The following ACTR3C variants were observed in gnomAD, a reference collection of about 807,000 sequenced individuals.
ACTR3C encodes the protein actin-related protein 3C.
A neutral mutation model predicts 26.3 loss-of-function variants in ACTR3C; 18 were observed. The observed-to-expected ratio is 0.68, with a 90% CI of 0.47 to 1.01. The LOEUF (loss-of-function observed/expected upper bound fraction) is 1.01. Ranked by LOEUF, ACTR3C falls within the 50% of genes least tolerant of loss-of-function variation. The pLI is 0.00. For synonymous variants in ACTR3C, 55 were observed against 94.5 expected (o/e 0.58, Z 2.42); for missense variants, 184 against 250.7 (o/e 0.73, Z 1.80).
chr7:150,128,323 A>G, the ACTR3C span, among the ~76,000 whole-genome samples: 3 of 152,364 alleles, frequency 2.0e-5, no homozygotes, highest in East Asian at 1.9e-4. Flanking sequence ...AAATACTTCA[A>G]TATTGGTAGG....
downstream of ACTR3C, chr7:150,245,883 G>GT (rs1406788546): frequency 6.6e-6 from 1 of 152,224 alleles, no homozygotes; most frequent in Non-Finnish European, 1.5e-5. Flanking sequence ...ATTTAAAAAT[G>GT]TAAGAAGAAT....
chr7:150,264,527 T>C (rs1478318403), intron 6 of ACTR3C: 1 of 910,868 alleles, frequency 1.1e-6, no homozygotes, highest in Non-Finnish European at 1.3e-6. Flanking sequence ...GGGCAAAAAA[T>C]GAAAACACTA....
At chr7:150,279,512 G>C (rs1480446436) in intron 6 of ACTR3C, among the ~76,000 whole-genome samples, 1 of 150,638 alleles carries the variant, frequency 6.6e-6, no homozygotes, top group African/African-American at 2.5e-5. Flanking sequence ...CCCACTGCTG[G>C]ATCCAGACTG....
At chr7:150,175,666 G>T in the ACTR3C span, among the ~76,000 whole-genome samples, 1 of 148,450 alleles carries the variant, frequency 6.7e-6, no homozygotes, top group East Asian at 1.9e-4. Context: ...TGCAAAATTA[G>T]CTGGATGTGG....
the ACTR3C span, among the ~76,000 whole-genome samples, chr7:149,930,951 C>T: frequency 3.3e-5 from 5 of 152,200 alleles, no homozygotes; most frequent in East Asian, 1.9e-4. Context: ...CTGCAACCTC[C>T]GCCTCCTGGG....
chr7:150,256,639 A>G (rs1039992057), intron 6 of ACTR3C, among the ~76,000 whole-genome samples: 2 of 152,340 alleles, frequency 1.3e-5, no homozygotes. Flanking sequence ...GAAGGTCCAA[A>G]AACTACCTGT....
At chr7:150,309,340 T>C (rs1796083663) in intron 1 of ACTR3C, among the ~76,000 whole-genome samples, 1 of 152,212 alleles carries the variant, frequency 6.6e-6, no homozygotes, top group Non-Finnish European at 1.5e-5. Flanking sequence ...CAGAAGGCCA[T>C]CTTATTCTCA....
chr7:150,104,809 C>G, the ACTR3C span, among the ~76,000 whole-genome samples: 1 of 152,036 alleles, frequency 6.6e-6, no homozygotes, highest in Non-Finnish European at 1.5e-5. Context: ...TCACTGTGGC[C>G]TAAGTCTGTC....
At chr7:149,885,915 G>A in the ACTR3C span, among the ~76,000 whole-genome samples, 1 of 152,240 alleles carries the variant, frequency 6.6e-6, no homozygotes, top group Non-Finnish European at 1.5e-5. Flanking sequence ...GAGGTTGAGA[G>A]TGCAGAGTCT....
the ACTR3C span, among the ~76,000 whole-genome samples, chr7:150,206,564 C>T: frequency 0.026 from 4,011 of 152,126 alleles, 175 homozygotes; most frequent in African/African-American, 0.092. Flanking sequence ...TAGGCATGCA[C>T]CACCATGCCC....
chr7:150,007,578 C>G, the ACTR3C span, among the ~76,000 whole-genome samples: 1 of 152,242 alleles, frequency 6.6e-6, no homozygotes, highest in Non-Finnish European at 1.5e-5. Flanking sequence ...GTTGATACCT[C>G]AGATAACCAC....
intron 3 of ACTR3C, among the ~76,000 whole-genome samples, chr7:150,291,443 A>G (rs1836259762): frequency 1.3e-5 from 2 of 152,220 alleles, no homozygotes; most frequent in Non-Finnish European, 1.5e-5. Context: ...AAAAAAAGAA[A>G]AAGAGCTTAA....
the ACTR3C span, among the ~76,000 whole-genome samples, chr7:150,079,384 A>C: frequency 1.3e-5 from 2 of 152,194 alleles, no homozygotes; most frequent in Non-Finnish European, 2.9e-5. Flanking sequence ...GTGACAGCCC[A>C]GTCAGTCTCG....
At chr7:150,157,225 A>G in the ACTR3C span, among the ~76,000 whole-genome samples, 1 of 151,818 alleles carries the variant, frequency 6.6e-6, no homozygotes, top group Non-Finnish European at 1.5e-5. Flanking sequence ...GATCCAAAAC[A>G]TGTTCTTCAG....
At chr7:149,996,297 G>A in the ACTR3C span, among the ~76,000 whole-genome samples, 10 of 150,750 alleles carry the variant, frequency 6.6e-5, no homozygotes, top group African/African-American at 2.2e-4. Context: ...TCTGGGAGAC[G>A]GCGGAGGCTC....
the ACTR3C span, among the ~76,000 whole-genome samples, chr7:150,083,602 C>T: frequency 1.3e-5 from 2 of 152,196 alleles, no homozygotes; most frequent in Non-Finnish European, 2.9e-5. Context: ...AGTCACCCTA[C>T]TGTGCTGTGG....
At chr7:150,147,721 G>T in the ACTR3C span, among the ~76,000 whole-genome samples, 129 of 152,258 alleles carry the variant, frequency 8.5e-4, no homozygotes, top group African/African-American at 2.9e-3. Context: ...GTGTGTGCCA[G>T]GCAAACTTGG....
At chr7:149,903,602 C>T in the ACTR3C span, among the ~76,000 whole-genome samples, 16 of 151,870 alleles carry the variant, frequency 1.1e-4, no homozygotes, top group African/African-American at 3.2e-4. Context: ...AGTGTAGTGG[C>T]GCAATCACAA....
chr7:150,100,980 T>C, the ACTR3C span, among the ~76,000 whole-genome samples: 1 of 151,680 alleles, frequency 6.6e-6, no homozygotes, highest in Non-Finnish European at 1.5e-5. Context: ...GCTGGGATTA[T>C]AGGCGTGAGC....
Sources: allele counts gnomAD v4.1 joint callset (sites outside exome capture counted in the v4.1 genomes callset), GRCh38; gene constraint gnomAD v4.1.1; transcripts MANE v1.5; gene names NCBI Gene and HGNC (gene_info 2026-07-23, HGNC 2026-07-21).